Variants in STRN3 observed in about 807,000 individuals in gnomAD.
STRN3 encodes striatin 3, also known as striatin-3.
A neutral mutation model predicts 95.6 loss-of-function variants in STRN3; 29 were observed. The ratio of observed to expected loss-of-function variants is 0.30; its 90% CI spans 0.23 to 0.41. The LOEUF is 0.41. Ranked by LOEUF, STRN3 falls within the 10% of genes least tolerant of loss-of-function variation. The pLI, the probability that STRN3 is intolerant of heterozygous loss-of-function variation, is 1.00. For synonymous variants in STRN3, 331 were observed against 357.6 expected (o/e 0.93, Z 0.84); for missense variants, 890 against 972.1 (o/e 0.92, Z 1.12).
intron 5 of STRN3, among the ~76,000 whole-genome samples, chr14:30,937,232 T>C (rs1294155010): frequency 6.6e-6 from 1 of 152,174 alleles, no homozygotes; most frequent in East Asian, 1.9e-4. Context: ...GAGGATTATT[T>C]GAACCCAGGA....
chr14:30,905,279 G>A, intron 15 of STRN3, 139 bp downstream of exon 15: 1 of 923,316 alleles, frequency 1.1e-6, no homozygotes, highest in Non-Finnish European at 1.5e-6. Flanking sequence ...ATATAAATAA[G>A]TATAACTGTA....
intron 5 of STRN3, among the ~76,000 whole-genome samples, chr14:30,938,993 A>G (rs1301703361): frequency 6.6e-6 from 1 of 152,158 alleles, no homozygotes; most frequent in East Asian, 1.9e-4. Context: ...AATAAGTCAT[A>G]AAATTGAGTC....
intron 13 of STRN3, among the ~76,000 whole-genome samples, chr14:30,907,955 T>C (rs1896509503): frequency 6.6e-6 from 1 of 152,186 alleles, no homozygotes; most frequent in Non-Finnish European, 1.5e-5. Flanking sequence ...CATGAATGAC[T>C]ATGCCTCATA....
At chr14:30,977,252 G>A (rs968141710) in intron 1 of STRN3, among the ~76,000 whole-genome samples, 2 of 152,000 alleles carry the variant, frequency 1.3e-5, no homozygotes, top group Non-Finnish European at 2.9e-5. Context: ...ATGAAAAAAA[G>A]AGAAAGATTT....
chr14:31,015,875 C>CG (rs1433692215), intron 1 of STRN3, among the ~76,000 whole-genome samples: 2 of 152,210 alleles, frequency 1.3e-5, no homozygotes, highest in South Asian at 2.1e-4. Context: ...CATGGATCAC[C>CG]GTAGCCACAA....
At chr14:30,957,629 CTG>C (rs1300384032) in intron 1 of STRN3, among the ~76,000 whole-genome samples, 2 of 152,112 alleles carry the variant, frequency 1.3e-5, no homozygotes, top group Admixed American at 6.5e-5. Flanking sequence ...CATTTTTCCA[CTG>C]TGAGAGAATT....
chr14:30,943,608 C>T (rs1183226333), intron 5 of STRN3, among the ~76,000 whole-genome samples: 1 of 151,940 alleles, frequency 6.6e-6, no homozygotes, highest in Admixed American at 6.6e-5. Flanking sequence ...CAAAACAACA[C>T]TAAACAAATA....
intron 16 of STRN3, among the ~76,000 whole-genome samples, chr14:30,896,726 G>C (rs1338613916): frequency 6.6e-6 from 1 of 152,012 alleles, no homozygotes; most frequent in Admixed American, 6.5e-5. Flanking sequence ...CTTATCCTTT[G>C]AAATATAATC....
chr14:30,913,625 T>G lies in STRN3; in HGVS notation c.1273A>C (p.Lys425Gln). 1.2e-6 allele frequency: 2 copies of G among 1,613,870 alleles called. No individual in the cohort carries two copies. The highest frequency in any genetic ancestry group is 2.2e-5 in the South Asian group (2 of 91,046). The change falls in exon 10 of 18, where the codon AAG becomes CAG. Residue 425 changes from lysine (K) to glutamine (Q), a missense_variant. This residue lies in a region of STRN3 where 526 missense variants were observed against 526.3 expected (regional missense o/e 1.00). Transcript: ENST00000357479. ...TCATCAGAACCCATAATAAATGACTTGCCTCCTCCAGATGGAAACGTTATT... is the reference window on the plus strand; with the variant it reads ...TCATCAGAACCCATAATAAATGACTGGCCTCCTCCAGATGGAAACGTTATT... ...EPITFPSGGG[K>Q]SFIMGSDDVL...
At chr14:31,000,242 G>A (rs1030492575) in intron 1 of STRN3, among the ~76,000 whole-genome samples, 4 of 80,466 alleles carry the variant, frequency 5.0e-5, no homozygotes, top group Non-Finnish European at 8.8e-5. Flanking sequence ...TAGTATAAAC[G>A]TATTTCTGGG....
chr14:30,985,043 G>A (rs1408575620), intron 1 of STRN3, among the ~76,000 whole-genome samples: 5 of 152,044 alleles, frequency 3.3e-5, no homozygotes, highest in Admixed American at 1.3e-4. Flanking sequence ...TTGGCCGGAC[G>A]CGGTGGTTCA....
chr14:30,940,029 G>GT (rs531568767), intron 5 of STRN3, among the ~76,000 whole-genome samples: 46 of 146,256 alleles, frequency 3.1e-4, no homozygotes, highest in Middle Eastern at 3.6e-3. Flanking sequence ...TGCCTAGTGT[G>GT]TTTTTTTTTT....
chr14:30,897,879 T>C (rs1370362479), intron 16 of STRN3, among the ~76,000 whole-genome samples: 1 of 152,222 alleles, frequency 6.6e-6, no homozygotes, highest in African/African-American at 2.4e-5. Flanking sequence ...GACCACAGTG[T>C]ATAAAATGGT....
At chr14:30,973,665 C>G (rs1880948887) in intron 1 of STRN3, among the ~76,000 whole-genome samples, 1 of 152,128 alleles carries the variant, frequency 6.6e-6, no homozygotes, top group Non-Finnish European at 1.5e-5. Context: ...GACAAAGACA[C>G]TAAAGAAACT....
intron 16 of STRN3, among the ~76,000 whole-genome samples, chr14:30,898,785 G>A (rs550420895): frequency 1.3e-5 from 2 of 152,162 alleles, no homozygotes; most frequent in Non-Finnish European, 2.9e-5. Flanking sequence ...GGAAATAAAG[G>A]CTGGACAGAT....
Position 31,003,796 on chromosome 14 carries a change from T to TTAA in STRN3, c.282+22107_282+22108insTTA, listed in dbSNP as rs71112372. On this transcript the variant is annotated intron_variant, in intron 1 of 17. Transcript: ENST00000357479. ...ACCTTAATGCAAAACACATCTTTCT[T>TTAA]AAAAAAAAAAAAAAAAAAAAACTTG... Among the ~76,000 whole-genome samples the TTAA allele has an allele frequency of 3.2e-4, 37 of 115,478 alleles. 2 individuals are homozygous for TTAA. The highest frequency in any genetic ancestry group is 6.4e-4 in the Admixed American group (7 of 10,942). 75.8% of individuals were successfully genotyped at this position (115,478 alleles called of 152,430 possible).
At chr14:30,963,736 ATAT>A (rs1218041022) in intron 1 of STRN3, among the ~76,000 whole-genome samples, 2 of 152,228 alleles carry the variant, frequency 1.3e-5, no homozygotes, top group Non-Finnish European at 2.9e-5. Context: ...AAAAAGACAG[ATAT>A]CAAAGTTTCT....
rs1318506895 is a variant in STRN3 at position 30,914,437 on chromosome 14, C to CGGTT, written c.1241-781_1241-780insAACC. On this transcript the variant is annotated intron_variant, in intron 9 of 17. Coordinates refer to ENST00000357479, the MANE Select transcript of STRN3 (RefSeq NM_001083893.2). The stretch of plus-strand genomic sequence containing the variant: ...GTGCGATCTCGGTTCACTGCAACCT[C>CGGTT]CACCTCCTAGGTTCAAGCAATTCTC... Among the ~76,000 whole-genome samples the CGGTT allele has an allele frequency of 1.4e-4, 22 of 152,182 alleles. No homozygotes were observed. The East Asian group carries it at 4.1e-3, about 28-fold the overall frequency.
rs1195421129 is a variant in STRN3 at position 30,936,599 on chromosome 14, A to C, written c.742T>G (p.Phe248Val). 2 of 1,613,770 alleles carry C rather than the reference A, an allele frequency of 1.2e-6. No homozygotes were observed. Among genetic ancestry groups the C allele is most frequent in the South Asian group, 2.2e-5 (2 of 91,052 alleles). The part of the protein sequence containing the change: ...KRSSGDVLET[F>V]NFLENADDSD... ...TCATCGGCATTTTCTAAGAAATTGA[A>C]CGTCTCAAGAACATCACCAGAGGAC... The change falls in exon 6 of 18, where the codon TTC becomes GTC. Residue 248 changes from phenylalanine (F) to valine (V), a missense_variant. Phe to Val is a conservative substitution (Grantham distance 50). This residue lies in a region of STRN3 where 526 missense variants were observed against 526.3 expected (regional missense o/e 1.00). Coordinates refer to ENST00000357479, the MANE Select transcript of STRN3 (RefSeq NM_001083893.2).
Sources: gnomAD v4.1 joint callset for allele counts (sites outside exome capture counted in the v4.1 genomes callset) on GRCh38, gnomAD v4.1.1 for gene constraint, gnomAD v4.1.1 regional missense constraint, MANE v1.5 for transcripts, NCBI Gene and HGNC (gene_info 2026-07-23, HGNC 2026-07-21) for gene names.